THSD7B: variants seen among roughly 807,000 people sequenced by gnomAD.
THSD7B encodes the protein thrombospondin type 1 domain containing 7B, also known as thrombospondin type-1 domain-containing protein 7B.
Under a neutral mutation model 213.6 loss-of-function variants are expected in THSD7B, and 138 were observed. The observed-to-expected ratio is 0.65, with a 90% CI of 0.56 to 0.74. The LOEUF (loss-of-function observed/expected upper bound fraction) is 0.74, where lower values mean the gene tolerates loss of function less well. THSD7B is among the 30% of genes least tolerant of loss of function. THSD7B has a pLI of 0.00. For missense variants in THSD7B, 1,931 were observed against 1,991.5 expected, an observed-to-expected ratio of 0.97 and a Z score of 0.58; for synonymous variants, 742 against 687.0, an observed-to-expected ratio of 1.08 and a Z score of -1.25.
chr2:136,996,585 A>G (rs549171783), intron 2 of THSD7B, among the ~76,000 whole-genome samples: 80 of 152,212 alleles, frequency 5.3e-4, no homozygotes, highest in African/African-American at 1.7e-3. Context: ...GGCTCAAGCA[A>G]TCCACCTGCC....
chr2:137,252,375 G>A (rs183250635), intron 10 of THSD7B, among the ~76,000 whole-genome samples: 2 of 152,160 alleles, frequency 1.3e-5, no homozygotes, highest in Admixed American at 6.5e-5. Flanking sequence ...GGGTGTGATG[G>A]GAGCTATAAA....
intron 12 of THSD7B, among the ~76,000 whole-genome samples, chr2:137,344,040 C>T (rs921838084): frequency 1.3e-5 from 2 of 151,666 alleles, no homozygotes; most frequent in Admixed American, 6.6e-5. Flanking sequence ...GCTCCCAACA[C>T]CTGGGCCACT....
intron 5 of THSD7B, among the ~76,000 whole-genome samples, chr2:137,117,586 C>A (rs1005402718): frequency 6.6e-6 from 1 of 152,014 alleles, no homozygotes. Flanking sequence ...GTTAATCTTC[C>A]CCTAGACTCA....
intron 11 of THSD7B, among the ~76,000 whole-genome samples, chr2:137,273,297 G>A (rs896980297): frequency 6.6e-6 from 1 of 151,986 alleles, no homozygotes; most frequent in African/African-American, 2.4e-5. Flanking sequence ...TATGTTCCCT[G>A]TATATTCCCT....
intron 21 of THSD7B, among the ~76,000 whole-genome samples, chr2:137,651,046 A>C (rs183147781): frequency 2.6e-5 from 4 of 152,240 alleles, no homozygotes; most frequent in Admixed American, 2.6e-4. Context: ...TACTTTTGCT[A>C]TGCCCGTTTC....
At chr2:137,136,760 T>C (rs1424533624) in intron 5 of THSD7B, among the ~76,000 whole-genome samples, 1 of 152,238 alleles carries the variant, frequency 6.6e-6, no homozygotes, top group Admixed American at 6.5e-5. Flanking sequence ...CATTTTCTGA[T>C]TGCCTTTTTA....
intron 15 of THSD7B, among the ~76,000 whole-genome samples, chr2:137,553,116 C>T (rs940258769): frequency 2.0e-5 from 3 of 152,254 alleles, no homozygotes; most frequent in East Asian, 1.9e-4. Flanking sequence ...TTGAATATGA[C>T]TTGCCAGGAT....
intron 2 of THSD7B, among the ~76,000 whole-genome samples, chr2:136,963,657 TAAATG>T (rs1206069829): frequency 1.3e-5 from 2 of 151,930 alleles, no homozygotes; most frequent in East Asian, 1.9e-4. Context: ...AAAAAATAAA[TAAATG>T]AAAGAGCAGA....
chr2:137,181,455 T>C (rs1320193445), intron 7 of THSD7B, among the ~76,000 whole-genome samples: 1 of 152,170 alleles, frequency 6.6e-6, no homozygotes, highest in Non-Finnish European at 1.5e-5. Flanking sequence ...TCTGTGTTGT[T>C]CCAGAAGGCA....
At chr2:137,439,827 A>G (rs979294731) in intron 14 of THSD7B, among the ~76,000 whole-genome samples, 2 of 152,168 alleles carry the variant, frequency 1.3e-5, no homozygotes, top group African/African-American at 4.8e-5. Flanking sequence ...ATTATAAATC[A>G]GAATTTATAA....
chr2:136,961,110 A>G (rs1184848389), intron 2 of THSD7B, among the ~76,000 whole-genome samples: 3 of 148,546 alleles, frequency 2.0e-5, no homozygotes, highest in Non-Finnish European at 3.0e-5. Flanking sequence ...AAAAAAAAAA[A>G]AGAGAAAATG....
intron 14 of THSD7B, among the ~76,000 whole-genome samples, chr2:137,430,613 C>A (rs759012768): frequency 3.9e-5 from 6 of 152,230 alleles, no homozygotes; most frequent in Non-Finnish European, 8.8e-5. Flanking sequence ...CTCAGTGATT[C>A]TTCAAATCCC....
intron 14 of THSD7B, among the ~76,000 whole-genome samples, chr2:137,426,489 AT>A (rs1187471599): frequency 2.0e-5 from 3 of 152,168 alleles, no homozygotes; most frequent in African/African-American, 7.2e-5. Context: ...AGACACATAA[AT>A]CAATGGAACA....
At chr2:137,584,456 G>A (rs1273589081) in intron 17 of THSD7B, among the ~76,000 whole-genome samples, 2 of 152,204 alleles carry the variant, frequency 1.3e-5, no homozygotes, top group African/African-American at 4.8e-5. Flanking sequence ...CATTCAGTAT[G>A]ATATTGGCTG....
chr2:136,768,746 C>A (rs1162020123), intron 1 of THSD7B, among the ~76,000 whole-genome samples: 1 of 152,126 alleles, frequency 6.6e-6, no homozygotes, highest in Non-Finnish European at 1.5e-5. Flanking sequence ...CTTAGATATG[C>A]TGTTGGATTT....
At chr2:136,984,266 C>T (rs554409559) in intron 2 of THSD7B, among the ~76,000 whole-genome samples, 2 of 152,278 alleles carry the variant, frequency 1.3e-5, no homozygotes, top group East Asian at 3.9e-4. Flanking sequence ...TTGTCCTCTC[C>T]AAATCTCATG....
At chr2:137,000,091 G>A (rs1685973685) in intron 2 of THSD7B, among the ~76,000 whole-genome samples, 1 of 152,164 alleles carries the variant, frequency 6.6e-6, no homozygotes, top group Non-Finnish European at 1.5e-5. Context: ...TCTCTGGCAT[G>A]GGGAGGAGGG....
intron 5 of THSD7B, among the ~76,000 whole-genome samples, chr2:137,152,137 A>G (rs77105513): frequency 0.013 from 1,994 of 152,166 alleles, 37 homozygotes; most frequent in African/African-American, 0.046. Flanking sequence ...AAAATAGTCA[A>G]TATAAACACA....
intron 2 of THSD7B, among the ~76,000 whole-genome samples, chr2:136,911,026 A>C (rs1038440663): frequency 2.1e-4 from 32 of 152,198 alleles, no homozygotes; most frequent in African/African-American, 7.2e-4. Context: ...TATGAAGATC[A>C]AATGAGATAT....
Sources: gnomAD v4.1 joint callset for allele counts (sites outside exome capture counted in the v4.1 genomes callset) on GRCh38, gnomAD v4.1.1 for gene constraint, MANE v1.5 for transcripts, NCBI Gene and HGNC (gene_info 2026-07-23, HGNC 2026-07-21) for gene names.